FER1L6: variants seen among roughly 807,000 people sequenced by gnomAD.
FER1L6 encodes the protein fer-1 like family member 6, also known as fer-1-like protein 6.
Under a neutral mutation model 219.2 loss-of-function variants are expected in FER1L6, and 177 were observed. The ratio of observed to expected loss-of-function variants is 0.81; its 90% CI spans 0.71 to 0.91. The LOEUF is 0.91. FER1L6 is among the 40% of genes least tolerant of loss of function. The pLI is 0.00. For synonymous variants in FER1L6, 768 were observed against 824.3 expected, an observed-to-expected ratio of 0.93 and a Z score of 1.17; for missense variants, 2,153 against 2,259.9, an observed-to-expected ratio of 0.95 and a Z score of 0.96.
chr8:124,031,762 G>A (rs1306700430), intron 18 of FER1L6, among the ~76,000 whole-genome samples: 1 of 152,044 alleles, frequency 6.6e-6, no homozygotes, highest in Non-Finnish European at 1.5e-5. Context: ...TCATTTGGGG[G>A]TATTGTTTTC....
intron 32 of FER1L6, among the ~76,000 whole-genome samples, chr8:124,079,716 G>A (rs1586678093): frequency 1.3e-5 from 2 of 152,158 alleles, no homozygotes; most frequent in African/African-American, 4.8e-5. Context: ...GAAAAATCAG[G>A]CAGATATAAA....
chr8:123,982,077 G>A (rs754137286), intron 11 of FER1L6, among the ~76,000 whole-genome samples: 3 of 152,102 alleles, frequency 2.0e-5, no homozygotes, highest in Admixed American at 6.6e-5. Context: ...ATCTGAAAAC[G>A]TGTGCGCCAG....
At chr8:123,931,647 G>A (rs187907193) in intron 1 of FER1L6, among the ~76,000 whole-genome samples, 1 of 152,328 alleles carries the variant, frequency 6.6e-6, no homozygotes, top group Non-Finnish European at 1.5e-5. Flanking sequence ...TTTCAAGGAT[G>A]AGATTGAACA....
intron 1 of FER1L6, among the ~76,000 whole-genome samples, chr8:123,924,412 G>C (rs1813485522): frequency 6.6e-6 from 1 of 151,624 alleles, no homozygotes; most frequent in South Asian, 2.1e-4. Flanking sequence ...CATGGCGGCA[G>C]ATGCCTGCAA....
At chr8:123,885,280 C>T (rs1817180984) in intron 1 of FER1L6, among the ~76,000 whole-genome samples, 1 of 152,190 alleles carries the variant, frequency 6.6e-6, no homozygotes. Context: ...CTCTTTTTCC[C>T]TCTTGCCATG....
chr8:124,080,598 G>A (rs1224248958), intron 32 of FER1L6, among the ~76,000 whole-genome samples: 6 of 152,150 alleles, frequency 3.9e-5, no homozygotes, highest in Non-Finnish European at 5.9e-5. Flanking sequence ...GATTATAGTC[G>A]TGAGCCACCG....
intron 33 of FER1L6, among the ~76,000 whole-genome samples, chr8:124,086,327 A>T (rs1586315434): frequency 1.3e-5 from 2 of 148,746 alleles, no homozygotes; most frequent in Non-Finnish European, 1.5e-5. Context: ...GTATGTTTTA[A>T]TTTCTTGCTT....
In FER1L6 at chr8:124,013,483, C is replaced by T; in HGVS notation, c.1874C>T (p.Pro625Leu). The T allele has an allele frequency of 6.2e-7, 1 of 1,610,048 alleles. No individual in the cohort carries two copies. Among genetic ancestry groups the T allele is most frequent in the Non-Finnish European group, 8.5e-7 (1 of 1,179,032 alleles). ...RELIKISQEAPEEKMKTVLSD... is the reference protein window; with the variant it reads ...RELIKISQEALEEKMKTVLSD... Reference sequence around the variant, plus strand: ...TTGATCAAGATTTCACAGGAGGCACCTGAAGAGAAAATGAAAACAGTGCTC... The same window carrying T: ...TTGATCAAGATTTCACAGGAGGCACTTGAAGAGAAAATGAAAACAGTGCTC... The change falls in exon 15 of 41, where the codon CCT becomes CTT. Residue 625 changes from proline to leucine, a missense_variant. Physicochemically the swap from Pro to Leu is moderately conservative, Grantham distance 98. Coordinates refer to ENST00000522917, the MANE Select transcript of FER1L6 (RefSeq NM_001039112.2).
At chr8:123,924,286 T>A (rs1234402832) in intron 1 of FER1L6, among the ~76,000 whole-genome samples, 2 of 147,884 alleles carry the variant, frequency 1.4e-5, no homozygotes, top group Admixed American at 6.8e-5. Context: ...GGCTCACGCC[T>A]GTAATCCCAG....
At chr8:123,921,746 C>T (rs1348938677) in intron 1 of FER1L6, among the ~76,000 whole-genome samples, 1 of 151,906 alleles carries the variant, frequency 6.6e-6, no homozygotes, top group East Asian at 1.9e-4. Context: ...GTATCTGGGG[C>T]TGGGTAAAAG....
At chr8:123,933,370 A>G (rs71516723) in intron 1 of FER1L6, among the ~76,000 whole-genome samples, 20,952 of 132,428 alleles carry the variant, frequency 0.16, 1,968 homozygotes, top group East Asian at 0.41. Flanking sequence ...ATCATAGCAT[A>G]TGTGTGTCTG....
chr8:123,978,245 C>T (rs1183917371), intron 10 of FER1L6, among the ~76,000 whole-genome samples: 2 of 152,236 alleles, frequency 1.3e-5, no homozygotes, highest in African/African-American at 4.8e-5. Context: ...GTCTATGGGC[C>T]AAATATGGCC....
rs892307873 is a variant in FER1L6 at position 123,992,988 on chromosome 8, A to G, written c.1519+6812A>G. Among the ~76,000 whole-genome samples the G allele has an allele frequency of 2.2e-4, 34 of 152,170 alleles. 1 individual carries two copies. Among genetic ancestry groups the G allele is most frequent in the Non-Finnish European group, 5.0e-4 (34 of 68,032 alleles). ...ATCATTCAGGAGCAGACTAATTTCC[A>G]TGTATTTTTAGTTTTGAGGATTCCT... On this transcript the variant is annotated intron_variant, in intron 12 of 40. Transcript: ENST00000522917.
chr8:123,975,031 T>G, intron 7 of FER1L6, 119 bp from the exon 8 acceptor site: 1 of 886,276 alleles, frequency 1.1e-6, no homozygotes, highest in Admixed American at 2.9e-5. Flanking sequence ...ACTGAGATGA[T>G]TTACCACCTA....
intron 1 of FER1L6, among the ~76,000 whole-genome samples, chr8:123,951,798 G>T (rs1352615697): frequency 6.6e-6 from 1 of 152,202 alleles, no homozygotes; most frequent in African/African-American, 2.4e-5. Context: ...CCCGTACTGG[G>T]TGTTATGGCT....
chr8:124,017,749 C>A, intron 16 of FER1L6, 31 bp downstream of exon 16: 2 of 1,574,340 alleles, frequency 1.3e-6, no homozygotes, highest in Non-Finnish European at 1.7e-6. Context: ...ACTTTGTGGA[C>A]AGAGTTAAAA....
At chr8:123,989,303 G>A (rs1225280197) in intron 12 of FER1L6, among the ~76,000 whole-genome samples, 1 of 152,106 alleles carries the variant, frequency 6.6e-6, no homozygotes, top group Non-Finnish European at 1.5e-5. Flanking sequence ...TCTTTGTATG[G>A]TTTTGGTTTC....
chr8:124,047,746 G>C (rs1243584895), intron 21 of FER1L6: 1 of 152,148 alleles, frequency 6.6e-6, no homozygotes, highest in Non-Finnish European at 1.5e-5. Flanking sequence ...TATGCACTTT[G>C]CTCCCAGGGA....
intron 1 of FER1L6, among the ~76,000 whole-genome samples, chr8:123,951,962 G>T (rs908726383): frequency 1.3e-5 from 2 of 152,198 alleles, no homozygotes; most frequent in South Asian, 4.1e-4. Flanking sequence ...TGCAGTGAAG[G>T]TGGAGAAGGT....
Sources: allele counts gnomAD v4.1 joint callset (sites outside exome capture counted in the v4.1 genomes callset), GRCh38; gene constraint gnomAD v4.1.1; transcripts MANE v1.5; gene names NCBI Gene and HGNC (gene_info 2026-07-23, HGNC 2026-07-21).